EML4: variants seen among roughly 807,000 people sequenced by gnomAD.
EML4 encodes the protein echinoderm microtubule-associated protein-like 4.
EML4 carries 72 observed loss-of-function variants against 129.0 expected under a neutral mutation model. That is an observed-to-expected ratio of 0.56 (90% CI 0.46 to 0.68). EML4 has a LOEUF of 0.68. Ranked by LOEUF, EML4 falls within the 30% of genes least tolerant of loss-of-function variation. The pLI, the probability that EML4 is intolerant of heterozygous loss-of-function variation, is 0.00. For synonymous variants in EML4, 532 were observed against 405.0 expected (o/e 1.31, Z -3.77); for missense variants, 1,363 against 1,190.6 (o/e 1.14, Z -2.13).
chr2:42,256,589 C>G lies in EML4; in HGVS notation c.297C>G (p.Val99=), dbSNP rs747530990. Residue 99 remains valine, a synonymous_variant, in exon 3 of 23, where the codon GTC becomes GTG. Coordinates refer to ENST00000318522, the MANE Select transcript of EML4 (RefSeq NM_019063.5). Reference sequence around the variant, plus strand: ...GAAAACCAAGTCATACCAGTGCTGTCTCAATTGCAGGAAAAGAAACTCTTT... The same window carrying G: ...GAAAACCAAGTCATACCAGTGCTGTGTCAATTGCAGGAAAAGAAACTCTTT... ...ANRKPSHTSA[V]SIAGKETLSS... is the part of the protein sequence containing the mutation. 4 of 1,613,872 alleles carry G rather than the reference C, an allele frequency of 2.5e-6. No individual in the cohort carries two copies. In the South Asian group the frequency reaches 4.4e-5, roughly 18 times the overall value.
intron 3 of EML4, among the ~76,000 whole-genome samples, chr2:42,256,872 C>T (rs1044913227): frequency 2.9e-4 from 44 of 152,158 alleles, no homozygotes; most frequent in African/African-American, 8.2e-4. Context: ...AGTTTCATTT[C>T]CTGGTTTTGT....
In EML4 at chr2:42,256,570, C is replaced by T; in HGVS notation, c.278C>T (p.Pro93Leu). The change falls in exon 3 of 23, where the codon CCA (proline) becomes CTA (leucine). Residue 93 changes from proline (P) to leucine (L), a missense_variant. Coordinates refer to ENST00000318522, the MANE Select transcript of EML4 (RefSeq NM_019063.5). Reference sequence around the variant, plus strand: ...AATGGAAGTGGTGCAAACAGAAAACCAAGTCATACCAGTGCTGTCTCAATT... The same window carrying T: ...AATGGAAGTGGTGCAAACAGAAAACTAAGTCATACCAGTGCTGTCTCAATT... ...ITNGSGANRK[P>L]SHTSAVSIAG... 1 of 1,613,872 alleles carries T rather than the reference C, an allele frequency of 6.2e-7. No individual in the cohort carries two copies. The highest frequency in any genetic ancestry group is 8.5e-7 in the Non-Finnish European group (1 of 1,179,852).
rs151065528 is a variant in EML4 at position 42,256,546 on chromosome 2, A to G, written c.254A>G (p.Asn85Ser). ...GTTATTCCCATGTCCTGTATAACCAATGGAAGTGGTGCAAACAGAAAACCA... is the reference window on the plus strand; with the variant it reads ...GTTATTCCCATGTCCTGTATAACCAGTGGAAGTGGTGCAAACAGAAAACCA... ...RAVIPMSCITNGSGANRKPSH... is the reference protein window; with the variant it reads ...RAVIPMSCITSGSGANRKPSH... The change falls in exon 3 of 23, where the codon AAT becomes AGT. Residue 85 changes from asparagine to serine, a missense_variant. By Grantham distance (46) the Asn-to-Ser change is conservative (BLOSUM62 1). Transcript: ENST00000318522. 1.2e-4 allele frequency: 200 copies of G among 1,613,858 alleles called. 6 individuals are homozygous for G. Among genetic ancestry groups the G allele is most frequent in the South Asian group, 1.2e-3 (108 of 91,054 alleles).
At chr2:42,192,032 G>A (rs919680778) in intron 1 of EML4, among the ~76,000 whole-genome samples, 10 of 151,618 alleles carry the variant, frequency 6.6e-5, no homozygotes, top group African/African-American at 1.7e-4. Context: ...CCAGCTACTC[G>A]GGAGGCTGAG....
chr2:42,219,634 C>T (rs1673429591), intron 1 of EML4, among the ~76,000 whole-genome samples: 1 of 152,088 alleles, frequency 6.6e-6, no homozygotes, highest in South Asian at 2.1e-4. Flanking sequence ...AAACCCCTTT[C>T]TGGCTGGGTG....
At chr2:42,309,834 C>A (rs937311034) in intron 17 of EML4, among the ~76,000 whole-genome samples, 1 of 152,126 alleles carries the variant, frequency 6.6e-6, no homozygotes, top group Admixed American at 6.6e-5. Flanking sequence ...GTGGTCTTTT[C>A]ACTTTCTTGA....
In EML4 at chr2:42,256,580, C is replaced by G; in HGVS notation, c.288C>G (p.Thr96=). ...GTGCAAACAGAAAACCAAGTCATAC[C>G]AGTGCTGTCTCAATTGCAGGAAAAG... The part of the protein sequence containing the change: ...GSGANRKPSH[T]SAVSIAGKET... The change falls in exon 3 of 23, where the codon ACC becomes ACG. Residue 96 remains threonine (T), a synonymous_variant. Coordinates refer to ENST00000318522, the MANE Select transcript of EML4 (RefSeq NM_019063.5). 6.2e-7 allele frequency: 1 copy of G among 1,613,850 alleles called. No homozygotes were observed. The highest frequency in any genetic ancestry group is 8.5e-7 in the Non-Finnish European group (1 of 1,179,836).
intron 22 of EML4, 76 bp from the exon 23 acceptor site, chr2:42,329,658 G>T: frequency 8.0e-7 from 1 of 1,245,242 alleles, no homozygotes; most frequent in Non-Finnish European, 1.2e-6. Context: ...CCCCCCTTAC[G>T]TATCACCTCC....
At chr2:42,191,919 C>T (rs1671607379) in intron 1 of EML4, among the ~76,000 whole-genome samples, 1 of 151,956 alleles carries the variant, frequency 6.6e-6, no homozygotes, top group African/African-American at 2.4e-5. Flanking sequence ...TGAGGTAGGT[C>T]ATTTGAGGTC....
intron 14 of EML4, among the ~76,000 whole-genome samples, chr2:42,302,551 T>G (rs891342851): frequency 6.6e-6 from 1 of 150,994 alleles, no homozygotes; most frequent in African/African-American, 2.5e-5. Flanking sequence ...TTTTTTTTTT[T>G]GAGACAGAGT....
At chr2:42,303,779 G>A (rs1336973826) in intron 16 of EML4, among the ~76,000 whole-genome samples, 1 of 152,112 alleles carries the variant, frequency 6.6e-6, no homozygotes, top group African/African-American at 2.4e-5. Context: ...CAAAAAATTA[G>A]CCAGGCGTGG....
chr2:42,294,934 A>G (rs1472328246), intron 11 of EML4, among the ~76,000 whole-genome samples, 191 bp from the exon 12 acceptor site: 1 of 152,200 alleles, frequency 6.6e-6, no homozygotes, highest in African/African-American at 2.4e-5. Flanking sequence ...GTGATACGAT[A>G]ATACAAGGAC....
At chr2:42,318,372 C>T (rs1669349873) in intron 19 of EML4, among the ~76,000 whole-genome samples, 1 of 152,016 alleles carries the variant, frequency 6.6e-6, no homozygotes, top group East Asian at 1.9e-4. Context: ...ATTTATTTTG[C>T]TTATTATATT....
At chr2:42,180,133 A>G (rs1002244553) in intron 1 of EML4, among the ~76,000 whole-genome samples, 3 of 152,240 alleles carry the variant, frequency 2.0e-5, no homozygotes, top group Non-Finnish European at 4.4e-5. Context: ...ACTTTGCATT[A>G]TACTTCATAG....
intron 1 of EML4, among the ~76,000 whole-genome samples, chr2:42,218,230 CG>C (rs34319835): frequency 6.6e-6 from 1 of 151,934 alleles, no homozygotes; most frequent in Non-Finnish European, 1.5e-5. Context: ...CAAGGGATCT[CG>C]GTTGCTCACT....
At chr2:42,232,004 T>C (rs1324164394) in intron 1 of EML4, among the ~76,000 whole-genome samples, 1 of 151,512 alleles carries the variant, frequency 6.6e-6, no homozygotes. Context: ...TGGCAGTAAT[T>C]TTTTTTTTAA....
chr2:42,254,631 T>G (rs992022615), intron 2 of EML4, among the ~76,000 whole-genome samples: 2 of 151,762 alleles, frequency 1.3e-5, no homozygotes, highest in African/African-American at 4.8e-5. Context: ...TTTTTTTTTT[T>G]TAACCTGAAA....
At chr2:42,189,935 T>C (rs1230858058) in intron 1 of EML4, among the ~76,000 whole-genome samples, 2 of 151,906 alleles carry the variant, frequency 1.3e-5, no homozygotes, top group Admixed American at 6.6e-5. Flanking sequence ...ATGAGACATA[T>C]TACGAAGTCA....
chr2:42,325,599 TATTTATATATATATATATATA>T, intron 20 of EML4, 45 bp downstream of exon 20: 1 of 124,284 alleles, frequency 8.0e-6, no homozygotes, highest in South Asian at 1.4e-4. Flanking sequence ...GCTATGATTA[TATTTATATATATATATATATA>T]TATATATATA....
Sources: allele counts gnomAD v4.1 joint callset (sites outside exome capture counted in the v4.1 genomes callset), GRCh38; gene constraint gnomAD v4.1.1; transcripts MANE v1.5; gene names NCBI Gene and HGNC (gene_info 2026-07-23, HGNC 2026-07-21).